Variants in JAZF1 observed in about 807,000 individuals in gnomAD.
JAZF1 encodes the protein JAZF zinc finger 1, also known as juxtaposed with another zinc finger protein 1.
Under a neutral mutation model 26.4 loss-of-function variants are expected in JAZF1, and 8 were observed. The observed-to-expected ratio is 0.30, with a 90% CI of 0.18 to 0.55. The LOEUF is 0.55. Among genes scored for constraint, JAZF1 ranks in the 20% least tolerant of loss-of-function variants. The pLI, the probability that JAZF1 is intolerant of heterozygous loss-of-function variation, is 0.94. For synonymous variants in JAZF1, 126 were observed against 122.3 expected, an observed-to-expected ratio of 1.03 and a Z score of -0.20; for missense variants, 199 against 322.0, an observed-to-expected ratio of 0.62 and a Z score of 2.92.
At position 27,856,748 on chromosome 7, in the gene JAZF1, A is replaced by C. The variant is rs146973098; in HGVS notation, c.386-15881T>G. 7.1e-3 allele frequency among the ~76,000 whole-genome samples: 1,076 copies of C among 152,296 alleles called. 8 individuals carry two copies. Among genetic ancestry groups the C allele is most frequent in the African/African-American group, 0.021 (880 of 41,556 alleles). ...CATTTACAAACCTTCAGCTAGATAC[A>C]GAGTGCCAATTGGTGCATTCACAAT... On this transcript the variant is annotated intron_variant, in intron 3 of 4. Coordinates refer to ENST00000283928, the MANE Select transcript of JAZF1 (RefSeq NM_175061.4).
chr7:28,097,794 G>GAAAT (rs979036286), intron 1 of JAZF1, among the ~76,000 whole-genome samples: 6 of 152,152 alleles, frequency 3.9e-5, no homozygotes, highest in Admixed American at 1.3e-4. Flanking sequence ...TTTGCATGTA[G>GAAAT]AAATGGGAGG....
At chr7:27,877,855 TC>T (rs1359488591) in intron 3 of JAZF1, among the ~76,000 whole-genome samples, 1 of 152,184 alleles carries the variant, frequency 6.6e-6, no homozygotes, top group African/African-American at 2.4e-5. Flanking sequence ...TGTGGCACCT[TC>T]TCCACCTGCA....
At chr7:27,865,207 A>G (rs1425516449) in intron 3 of JAZF1, among the ~76,000 whole-genome samples, 1 of 152,130 alleles carries the variant, frequency 6.6e-6, no homozygotes, top group African/African-American at 2.4e-5. Flanking sequence ...CTGTCTCCAC[A>G]AAAAATACAG....
intron 1 of JAZF1, among the ~76,000 whole-genome samples, chr7:28,050,709 C>G (rs1309253908): frequency 6.6e-6 from 1 of 152,076 alleles, no homozygotes; most frequent in Non-Finnish European, 1.5e-5. Flanking sequence ...TATGCATTCT[C>G]TTATTGTTGG....
intron 2 of JAZF1, among the ~76,000 whole-genome samples, chr7:27,897,736 A>G (rs1055445): frequency 0.42 from 63,567 of 151,994 alleles, 13,472 homozygotes; most frequent in East Asian, 0.53. Flanking sequence ...TTTGGCTCCT[A>G]TGGGGCGTGA....
At chr7:28,018,469 G>C (rs1782939920) in intron 1 of JAZF1, among the ~76,000 whole-genome samples, 1 of 152,182 alleles carries the variant, frequency 6.6e-6, no homozygotes, top group African/African-American at 2.4e-5. Context: ...GAATCACGGT[G>C]ACTACATGTC....
intron 1 of JAZF1, among the ~76,000 whole-genome samples, chr7:28,005,882 TA>T (rs11355665): frequency 0.56 from 77,366 of 137,958 alleles, 21,904 homozygotes; most frequent in Non-Finnish European, 0.66. Flanking sequence ...TTCTGTTGCT[TA>T]AAAAAAAAAA....
chr7:28,076,788 T>C (rs1192458333), intron 1 of JAZF1, among the ~76,000 whole-genome samples: 5 of 151,544 alleles, frequency 3.3e-5, no homozygotes, highest in African/African-American at 1.2e-4. Flanking sequence ...TAAGAAAACA[T>C]TGTGCAAATA....
At chr7:28,078,684 T>C (rs929134942) in intron 1 of JAZF1, among the ~76,000 whole-genome samples, 2 of 152,316 alleles carry the variant, frequency 1.3e-5, no homozygotes, top group South Asian at 4.1e-4. Flanking sequence ...CCGGACACTA[T>C]ACTCTGGCCC....
intron 1 of JAZF1, among the ~76,000 whole-genome samples, chr7:28,170,095 C>G (rs1783430926): frequency 6.6e-6 from 1 of 151,696 alleles, no homozygotes; most frequent in South Asian, 2.1e-4. Context: ...AGTTGGGCCC[C>G]ATATGTACCA....
At chr7:28,122,364 G>A (rs9648026) in intron 1 of JAZF1, among the ~76,000 whole-genome samples, 12,465 of 152,212 alleles carry the variant, frequency 0.082, 784 homozygotes, top group South Asian at 0.21. Context: ...ATGCTCTGTA[G>A]CTCAGCTTAT....
intron 1 of JAZF1, among the ~76,000 whole-genome samples, chr7:28,082,299 C>T (rs1207893113): frequency 6.6e-6 from 1 of 152,136 alleles, no homozygotes; most frequent in Non-Finnish European, 1.5e-5. Flanking sequence ...GTCTATTTGG[C>T]TTTCTCTGCA....
chr7:27,896,989 A>C (rs1385936480), intron 2 of JAZF1, among the ~76,000 whole-genome samples: 1 of 152,206 alleles, frequency 6.6e-6, no homozygotes, highest in Non-Finnish European at 1.5e-5. Context: ...TTCAGATGCA[A>C]AACTGGTTCT....
At chr7:27,990,757 C>A (rs1295621659) in intron 2 of JAZF1, among the ~76,000 whole-genome samples, 1 of 152,040 alleles carries the variant, frequency 6.6e-6, no homozygotes, top group Non-Finnish European at 1.5e-5. Flanking sequence ...TTACAGAAAA[C>A]AATACTGGCT....
intron 3 of JAZF1, among the ~76,000 whole-genome samples, chr7:27,867,336 C>T (rs964711581): frequency 6.6e-6 from 1 of 152,130 alleles, no homozygotes. Context: ...TGAAAATGCA[C>T]CAACAGAAAA....
chr7:27,846,434 T>C (rs1783033484), intron 3 of JAZF1: 1 of 469,636 alleles, frequency 2.1e-6, no homozygotes, highest in Non-Finnish European at 4.4e-6. Context: ...TACACACAGA[T>C]TCTTGGTGCA....
intron 3 of JAZF1, among the ~76,000 whole-genome samples, chr7:27,887,349 C>T (rs1280707472): frequency 6.6e-6 from 1 of 152,104 alleles, no homozygotes; most frequent in Non-Finnish European, 1.5e-5. Context: ...AATGTGAATG[C>T]TGTTGTGCAC....
chr7:28,173,880 TAAAAAAAAAAA>T lies in JAZF1; in HGVS notation c.115+6572_115+6582del, dbSNP rs58075065. Among the ~76,000 whole-genome samples, 75 of 93,148 alleles carry T rather than the reference TAAAAAAAAAAA, an allele frequency of 8.1e-4. No individual in the cohort carries two copies. In the East Asian group the frequency reaches 0.015, roughly 18 times the overall value. The allele number at this position is 93,148 out of a possible 152,430, so 61.1% of individuals were successfully genotyped here. A position where few individuals can be genotyped will look rare whatever the true frequency, so the allele number is the denominator to read the frequency against. On this transcript the variant is annotated intron_variant, in intron 1 of 4. Coordinates refer to ENST00000283928, the MANE Select transcript of JAZF1 (RefSeq NM_175061.4). ...TCTGGTCCCTGCTTGCAGCTAGCTT[TAAAAAAAAAAA>T]AAAAAAAAAAAAAAAGTAGGTGAAA...
chr7:27,992,061 G>A (rs960068477), intron 1 of JAZF1, 80 bp from the exon 2 acceptor site: 1 of 843,948 alleles, frequency 1.2e-6, no homozygotes, highest in Non-Finnish European at 2.1e-6. Context: ...AGTAACAGAG[G>A]CTAAGCAGAG....
Sources: allele counts gnomAD v4.1 joint callset (sites outside exome capture counted in the v4.1 genomes callset), GRCh38; gene constraint gnomAD v4.1.1; transcripts MANE v1.5; gene names NCBI Gene and HGNC (gene_info 2026-07-23, HGNC 2026-07-21).